Variants in SYN2 observed in about 807,000 individuals in gnomAD.
SYN2 encodes the protein synapsin-2.
A neutral mutation model predicts 50.9 loss-of-function variants in SYN2; 19 were observed. The ratio of observed to expected loss-of-function variants is 0.37; its 90% CI spans 0.26 to 0.55. SYN2 has a LOEUF of 0.55. Among genes scored for constraint, SYN2 ranks in the 20% least tolerant of loss-of-function variants. SYN2 has a pLI of 0.81. For missense variants in SYN2, 587 were observed against 576.4 expected, an observed-to-expected ratio of 1.02 and a Z score of -0.19; for synonymous variants, 255 against 224.9, an observed-to-expected ratio of 1.13 and a Z score of -1.20.
rs1213129728 is a variant in SYN2, at chr3:12,191,517, GGTGTGTGAAGCTGTTT to G, written c.*897_*912del. ...TTGAGTGTAGGGAGTGAAAAATCTAGGTGTGTGAAGCTGTTTGTGTCAGTTTGTGTGTGTGACTGCA... is the reference window on the plus strand; with the variant it reads ...TTGAGTGTAGGGAGTGAAAAATCTAGGTGTCAGTTTGTGTGTGTGACTGCA... On this transcript the variant is annotated 3_prime_UTR_variant, in exon 13 of 13. Transcript: ENST00000621198. 1 of 152,224 alleles carries G rather than the reference GGTGTGTGAAGCTGTTT, an allele frequency of 6.6e-6. No individual in the cohort carries two copies. Among genetic ancestry groups the G allele is most frequent in the African/African-American group, 2.4e-5 (1 of 41,332 alleles). 9.4% of individuals were successfully genotyped at this position (152,224 alleles called of 1,614,324 possible).
At chr3:12,074,340 A>C (rs1158292514) in intron 1 of SYN2, among the ~76,000 whole-genome samples, 2 of 152,120 alleles carry the variant, frequency 1.3e-5, no homozygotes, top group African/African-American at 4.8e-5. Flanking sequence ...ATTTATTTCT[A>C]CTGTTTGTAT....
chr3:12,095,441 G>C (rs76774309), intron 1 of SYN2, among the ~76,000 whole-genome samples: 1 of 29,166 alleles, frequency 3.4e-5, no homozygotes, highest in African/African-American at 1.3e-4. Flanking sequence ...CTAGCTACTC[G>C]GGAGACTGAG....
intron 1 of SYN2, among the ~76,000 whole-genome samples, chr3:12,026,701 T>A (rs1694266717): frequency 6.6e-6 from 1 of 152,168 alleles, no homozygotes; most frequent in Admixed American, 6.5e-5. Flanking sequence ...GAATGAGGAA[T>A]GCTAGGAGAC....
intron 1 of SYN2, among the ~76,000 whole-genome samples, chr3:12,054,439 A>G (rs374600684): frequency 3.3e-5 from 5 of 152,310 alleles, no homozygotes; most frequent in East Asian, 1.9e-4. Context: ...GTTTAACTAC[A>G]TGAGTCCATC....
chr3:12,190,015 A>G (rs1559461982), intron 12 of SYN2, among the ~76,000 whole-genome samples: 1 of 152,152 alleles, frequency 6.6e-6, no homozygotes. Context: ...TGGCAAAACG[A>G]GACTTTGGCC....
chr3:12,038,139 G>A (rs971580784), intron 1 of SYN2, among the ~76,000 whole-genome samples: 1 of 152,058 alleles, frequency 6.6e-6, no homozygotes, highest in African/African-American at 2.4e-5. Context: ...ATTTTTCCCA[G>A]CACCATTTGT....
intron 1 of SYN2, among the ~76,000 whole-genome samples, chr3:12,105,640 C>T (rs1019255976): frequency 2.0e-5 from 3 of 151,706 alleles, no homozygotes; most frequent in African/African-American, 7.3e-5. Flanking sequence ...TTCTCAAAGA[C>T]CCTTAGCTGC....
chr3:12,108,440 A>G (rs1696244995), intron 1 of SYN2, among the ~76,000 whole-genome samples: 1 of 152,212 alleles, frequency 6.6e-6, no homozygotes. Flanking sequence ...CCTAGCTGCT[A>G]TAAGCCATAA....
At chr3:12,118,007 A>T (rs1350407869) in intron 1 of SYN2, among the ~76,000 whole-genome samples, 2 of 152,204 alleles carry the variant, frequency 1.3e-5, no homozygotes, top group Non-Finnish European at 2.9e-5. Context: ...GGGAGATGGA[A>T]TATATACAGT....
intron 1 of SYN2, among the ~76,000 whole-genome samples, chr3:12,006,972 G>T (rs1250228849): frequency 1.3e-5 from 2 of 152,166 alleles, no homozygotes; most frequent in East Asian, 3.8e-4. Context: ...TCTGTACCTT[G>T]TCCTGATTTC....
At chr3:12,066,882 A>C (rs933770996) in intron 1 of SYN2, among the ~76,000 whole-genome samples, 14 of 152,194 alleles carry the variant, frequency 9.2e-5, no homozygotes, top group African/African-American at 3.4e-4. Context: ...GCAGAAGGGT[A>C]TCACTTCTCG....
chr3:12,157,594 G>T, intron 5 of SYN2: 2 of 990,934 alleles, frequency 2.0e-6, no homozygotes, highest in Non-Finnish European at 3.1e-6. Context: ...CTTGGTTTTG[G>T]TGTGGCTGGG....
At chr3:12,066,115 T>C (rs1182229816) in intron 1 of SYN2, among the ~76,000 whole-genome samples, 4 of 152,274 alleles carry the variant, frequency 2.6e-5, no homozygotes, top group African/African-American at 9.6e-5. Context: ...AAAGGATGAA[T>C]TGTATGGTAT....
rs1014787876 is a variant in SYN2 at position 12,153,405 on chromosome 3, TTATTAGCTGGCAGCAA to T, written c.774+2080_774+2095del. ...GGCCAGACTGTCCACTTGGCACTTC[TTATTAGCTGGCAGCAA>T]GAGGTCAGGTGGTAATGGCCAAAGC... On this transcript the variant is annotated intron_variant, in intron 5 of 12. Transcript: ENST00000621198. 7 of 1,300,522 alleles carry T rather than the reference TTATTAGCTGGCAGCAA, an allele frequency of 5.4e-6. No individual in the cohort carries two copies. The African/African-American group carries it at 8.7e-5, about 16-fold the overall frequency. The allele number at this position is 1,300,522 out of a possible 1,614,324, so 80.6% of individuals were successfully genotyped here.
chr3:12,162,570 C>T (rs1697680011), intron 7 of SYN2, among the ~76,000 whole-genome samples: 1 of 152,306 alleles, frequency 6.6e-6, no homozygotes, highest in East Asian at 1.9e-4. Context: ...ACATATTTTA[C>T]TAATCACAGA....
chr3:12,058,763 G>A (rs905760606), intron 1 of SYN2, among the ~76,000 whole-genome samples: 5 of 152,194 alleles, frequency 3.3e-5, no homozygotes, highest in Non-Finnish European at 7.3e-5. Context: ...CTGTTAGAGT[G>A]TCATATCAGT....
chr3:12,184,160 T>C (rs1349551782), intron 11 of SYN2: 1 of 985,800 alleles, frequency 1.0e-6, no homozygotes, highest in Non-Finnish European at 1.2e-6. Flanking sequence ...ATGTGTTCTG[T>C]ATTTTACATC....
At chr3:12,023,392 A>C (rs915082594) in intron 1 of SYN2, among the ~76,000 whole-genome samples, 1 of 150,972 alleles carries the variant, frequency 6.6e-6, no homozygotes, top group African/African-American at 2.4e-5. Flanking sequence ...ACAGTGAAGA[A>C]GTAGAGAGGA....
intron 1 of SYN2, among the ~76,000 whole-genome samples, chr3:12,058,749 G>T (rs1386764941): frequency 6.6e-6 from 1 of 152,192 alleles, no homozygotes; most frequent in Non-Finnish European, 1.5e-5. Context: ...CTAGTCAAAA[G>T]ATTCTGTTAG....
Sources: gnomAD v4.1 joint callset for allele counts (sites outside exome capture counted in the v4.1 genomes callset) on GRCh38, gnomAD v4.1.1 for gene constraint, MANE v1.5 for transcripts, NCBI Gene and HGNC (gene_info 2026-07-23, HGNC 2026-07-21) for gene names.